Variants in RANBP2 observed in about 807,000 individuals in gnomAD.
The protein encoded by RANBP2 is E3 SUMO-protein ligase RanBP2.
RANBP2 carries 57 observed loss-of-function variants against 303.6 expected under a neutral mutation model. The ratio of observed to expected loss-of-function variants is 0.19; its 90% CI spans 0.15 to 0.23. RANBP2 has a LOEUF of 0.23. Among genes scored for constraint, RANBP2 ranks in the 10% least tolerant of loss-of-function variants. The probability of loss-of-function intolerance (pLI) is 1.00; values close to 1 mark genes in which losing one functional copy is unlikely to be tolerated. For synonymous variants in RANBP2, 1,167 were observed against 1,301.5 expected, an observed-to-expected ratio of 0.90 and a Z score of 2.23; for missense variants, 3,138 against 3,780.8, an observed-to-expected ratio of 0.83 and a Z score of 4.46.
At chr2:109,074,367 C>CA in the RANBP2 span, among the ~76,000 whole-genome samples, 1,990 of 143,872 alleles carry the variant, frequency 0.014, 91 homozygotes, top group East Asian at 0.043. Flanking sequence ...GACTCTGTCT[C>CA]AAAAAAAAAA....
chr2:109,366,922 C>T, the RANBP2 span, among the ~76,000 whole-genome samples: 1 of 152,092 alleles, frequency 6.6e-6, no homozygotes, highest in Admixed American at 6.6e-5. Flanking sequence ...AGCTGAAATA[C>T]CAGCGATCAG....
the RANBP2 span, among the ~76,000 whole-genome samples, chr2:109,629,134 G>A: frequency 3.3e-5 from 5 of 150,918 alleles, no homozygotes; most frequent in Admixed American, 6.6e-5. Flanking sequence ...CCCAGGAGAC[G>A]GATGTTGCAG....
At chr2:109,389,258 C>G in the RANBP2 span, among the ~76,000 whole-genome samples, 1 of 152,136 alleles carries the variant, frequency 6.6e-6, no homozygotes, top group African/African-American at 2.4e-5. Context: ...AAGCGTGGGC[C>G]AGGCCCCGCT....
At chr2:109,154,392 C>T in the RANBP2 span, among the ~76,000 whole-genome samples, 2 of 152,264 alleles carry the variant, frequency 1.3e-5, no homozygotes, top group African/African-American at 4.8e-5. Flanking sequence ...ACACAGAAGG[C>T]CCCCCAGCGC....
the RANBP2 span, among the ~76,000 whole-genome samples, chr2:109,488,548 C>A: frequency 6.6e-6 from 1 of 152,222 alleles, no homozygotes; most frequent in Admixed American, 6.5e-5. Flanking sequence ...CTCCTCACTC[C>A]CTGCCCCCAG....
chr2:109,575,640 T>G, the RANBP2 span, among the ~76,000 whole-genome samples: 2 of 152,228 alleles, frequency 1.3e-5, 1 homozygote, highest in Admixed American at 1.3e-4. Context: ...CCACTGCCTT[T>G]GCAATTCACT....
chr2:108,942,898 C>G, the RANBP2 span, among the ~76,000 whole-genome samples: 124 of 152,316 alleles, frequency 8.1e-4, 3 homozygotes, highest in Middle Eastern at 0.01. Context: ...TTGTTTTGAA[C>G]GATTCAATAG....
chr2:109,241,842 T>C, the RANBP2 span, among the ~76,000 whole-genome samples: 1 of 151,834 alleles, frequency 6.6e-6, no homozygotes, highest in South Asian at 2.1e-4. Flanking sequence ...CTCGGCTCAC[T>C]GCAAGCTCCG....
At chr2:108,873,590 G>A in the RANBP2 span, 5 of 1,566,586 alleles carry the variant, frequency 3.2e-6, no homozygotes, top group African/African-American at 1.4e-5. Context: ...CCAAAATCAA[G>A]TAAGAATTTC....
At chr2:109,574,448 A>AT in the RANBP2 span, 2 of 536,382 alleles carry the variant, frequency 3.7e-6, no homozygotes, top group African/African-American at 4.0e-5. Context: ...ATCTCTAAAA[A>AT]AAAAAAAAAA....
the RANBP2 span, among the ~76,000 whole-genome samples, chr2:109,771,631 T>C: frequency 1.4e-4 from 3 of 20,906 alleles, no homozygotes; most frequent in Non-Finnish European, 2.2e-4. Flanking sequence ...AATCTTTGAA[T>C]ATGAACGGAA....
the RANBP2 span, among the ~76,000 whole-genome samples, chr2:109,456,482 C>G: frequency 6.6e-6 from 1 of 152,234 alleles, no homozygotes; most frequent in Non-Finnish European, 1.5e-5. Flanking sequence ...GGCAACCTTT[C>G]TCTAAGTTAG....
chr2:108,794,002 T>C, the RANBP2 span, among the ~76,000 whole-genome samples: 2 of 152,210 alleles, frequency 1.3e-5, no homozygotes. Flanking sequence ...AGGAGGATGC[T>C]GTATACAGTG....
the RANBP2 span, among the ~76,000 whole-genome samples, chr2:109,026,431 C>T: frequency 2.0e-5 from 3 of 151,820 alleles, no homozygotes; most frequent in Non-Finnish European, 4.4e-5. Context: ...ACCTGGACAG[C>T]GCATTATTTT....
chr2:109,609,564 C>T, the RANBP2 span, among the ~76,000 whole-genome samples: 19 of 149,350 alleles, frequency 1.3e-4, no homozygotes, highest in African/African-American at 4.2e-4. Flanking sequence ...TTTTCACTGC[C>T]GAGATCGCGC....
chr2:109,126,366 T>A, the RANBP2 span, among the ~76,000 whole-genome samples: 1 of 152,196 alleles, frequency 6.6e-6, no homozygotes, highest in African/African-American at 2.4e-5. Flanking sequence ...AGGGCAGAGA[T>A]GTGGCGGTGA....
the RANBP2 span, among the ~76,000 whole-genome samples, chr2:108,915,518 C>CT: frequency 6.6e-6 from 1 of 152,184 alleles, no homozygotes; most frequent in East Asian, 1.9e-4. Context: ...TGAATGGAGG[C>CT]TTTTTTCCTC....
the RANBP2 span, among the ~76,000 whole-genome samples, chr2:108,805,222 CAA>C: frequency 2.0e-5 from 3 of 151,914 alleles, no homozygotes; most frequent in East Asian, 5.8e-4. Flanking sequence ...AACTGACAAA[CAA>C]AAGAAAAAAA....
At chr2:109,034,909 A>T in the RANBP2 span, among the ~76,000 whole-genome samples, 1 of 152,198 alleles carries the variant, frequency 6.6e-6, no homozygotes. Context: ...TGAAAAGGGC[A>T]TGGGAAATAT....
Sources: allele counts gnomAD v4.1 joint callset (sites outside exome capture counted in the v4.1 genomes callset), GRCh38; gene constraint gnomAD v4.1.1; transcripts MANE v1.5; gene names NCBI Gene and HGNC (gene_info 2026-07-23, HGNC 2026-07-21).